Variants in SLC39A11 observed in about 807,000 individuals in gnomAD.
The protein encoded by SLC39A11 is solute carrier family 39 member 11.
A neutral mutation model predicts 36.1 loss-of-function variants in SLC39A11; 33 were observed. The ratio of observed to expected loss-of-function variants is 0.91; its 90% CI spans 0.69 to 1.22. The LOEUF (loss-of-function observed/expected upper bound fraction) is 1.22, where lower values mean the gene tolerates loss of function less well. Among genes scored for constraint, SLC39A11 ranks in the 50% most tolerant of loss-of-function variants. SLC39A11 has a pLI of 0.00. For missense variants in SLC39A11, 432 were observed against 430.3 expected, an observed-to-expected ratio of 1.00 and a Z score of -0.03; for synonymous variants, 166 against 170.3, an observed-to-expected ratio of 0.97 and a Z score of 0.20.
intron 5 of SLC39A11, among the ~76,000 whole-genome samples, chr17:72,889,884 G>C (rs934698572): frequency 2.0e-5 from 3 of 152,272 alleles, no homozygotes; most frequent in South Asian, 2.1e-4. Flanking sequence ...CTTGAGTATC[G>C]TGTAAGGAGC....
intron 5 of SLC39A11, among the ~76,000 whole-genome samples, chr17:72,918,848 AGG>A (rs2083476359): frequency 6.6e-6 from 1 of 152,110 alleles, no homozygotes; most frequent in African/African-American, 2.4e-5. Flanking sequence ...AGATCACTTG[AGG>A]TCAGGAGTTT....
At chr17:73,067,731 T>C in intron 3 of SLC39A11, 1 of 728,808 alleles carries the variant, frequency 1.4e-6, no homozygotes, top group Non-Finnish European at 2.3e-6. Flanking sequence ...GGATGTTTTC[T>C]TATGCATAAA....
intron 5 of SLC39A11, among the ~76,000 whole-genome samples, chr17:72,875,455 AC>A (rs2080852332): frequency 6.6e-6 from 1 of 152,052 alleles, no homozygotes. Context: ...GGATTCTGGA[AC>A]CCCCTGAGGT....
chr17:73,073,684 A>G (rs527330112), intron 3 of SLC39A11: 1 of 152,216 alleles, frequency 6.6e-6, no homozygotes, highest in Non-Finnish European at 1.5e-5. Flanking sequence ...AACTGTCCCA[A>G]AACTTCCAAG....
chr17:72,727,108 A>G (rs929955552), intron 7 of SLC39A11, among the ~76,000 whole-genome samples: 5 of 152,204 alleles, frequency 3.3e-5, no homozygotes, highest in Non-Finnish European at 5.9e-5. Context: ...CAAAGCTTAA[A>G]ACAGGAAGTG....
rs1026070502 is a variant in SLC39A11, at chr17:72,647,184, G to T, written c.*400C>A. ...GGATGAGAGGTGTGCTGGCCACTCT[G>T]CCCTGAGTCACTAGGCCACCAAAAT... is the stretch of plus-strand genomic sequence containing the variant. On this transcript the variant is annotated 3_prime_UTR_variant, in exon 10 of 10. Transcript: ENST00000255559. 2 of 166,348 alleles carry T rather than the reference G, an allele frequency of 1.2e-5. No individual in the cohort carries two copies. The highest frequency in any genetic ancestry group is 2.4e-5 in the African/African-American group (1 of 41,562). 10.3% of individuals were successfully genotyped at this position (166,348 alleles called of 1,614,324 possible). A position where few individuals can be genotyped will look rare whatever the true frequency, so the allele number is the denominator to read the frequency against.
chr17:73,047,009 TC>T (rs2059316110), intron 3 of SLC39A11, among the ~76,000 whole-genome samples: 1 of 148,628 alleles, frequency 6.7e-6, no homozygotes. Flanking sequence ...ACCACCTTCT[TC>T]TTTTTTTATT....
At chr17:72,896,037 T>A (rs376987934) in intron 5 of SLC39A11, among the ~76,000 whole-genome samples, 10 of 152,128 alleles carry the variant, frequency 6.6e-5, no homozygotes, top group African/African-American at 4.8e-5. Flanking sequence ...AACTCAATAG[T>A]CTTCAGGGAA....
chr17:72,815,291 T>C (rs759307792), intron 6 of SLC39A11, among the ~76,000 whole-genome samples: 2 of 152,210 alleles, frequency 1.3e-5, no homozygotes, highest in Non-Finnish European at 2.9e-5. Flanking sequence ...CAAGCTGTTA[T>C]GATTTCACCC....
chr17:72,870,749 G>A (rs1257112485), intron 5 of SLC39A11, among the ~76,000 whole-genome samples: 2 of 152,198 alleles, frequency 1.3e-5, no homozygotes, highest in African/African-American at 4.8e-5. Context: ...CTTTTAACTG[G>A]AAAAGGTTTG....
intron 7 of SLC39A11, among the ~76,000 whole-genome samples, chr17:72,701,084 T>C (rs1053077947): frequency 6.6e-6 from 1 of 152,238 alleles, no homozygotes; most frequent in Non-Finnish European, 1.5e-5. Flanking sequence ...GGGGGCCACA[T>C]TCACCTTCCA....
chr17:72,922,468 G>A (rs12051792), intron 5 of SLC39A11, among the ~76,000 whole-genome samples: 5,610 of 152,330 alleles, frequency 0.037, 352 homozygotes, highest in East Asian at 0.27. Context: ...AGCAGGTCCT[G>A]GAAGGTTGGG....
chr17:72,691,042 C>A (rs1445053446), intron 7 of SLC39A11, among the ~76,000 whole-genome samples: 1 of 152,170 alleles, frequency 6.6e-6, no homozygotes, highest in Non-Finnish European at 1.5e-5. Context: ...GGAGGACTCT[C>A]AAAGGCTTAG....
At chr17:72,850,133 G>A (rs1264660311) in intron 5 of SLC39A11, among the ~76,000 whole-genome samples, 2 of 152,062 alleles carry the variant, frequency 1.3e-5, no homozygotes, top group East Asian at 3.9e-4. Context: ...ATTCACTCAG[G>A]CATCCATTCA....
intron 7 of SLC39A11, among the ~76,000 whole-genome samples, chr17:72,675,374 G>A (rs898136972): frequency 3.3e-5 from 5 of 152,132 alleles, no homozygotes; most frequent in African/African-American, 9.7e-5. Flanking sequence ...GAATCTGCTG[G>A]GACCTTGTTC....
intron 4 of SLC39A11, among the ~76,000 whole-genome samples, chr17:72,977,168 T>C (rs918136969): frequency 4.6e-5 from 7 of 152,192 alleles, no homozygotes; most frequent in African/African-American, 1.4e-4. Flanking sequence ...AGAAAGTGCC[T>C]GAGCCATGAC....
chr17:72,977,782 G>C (rs1025512948), intron 4 of SLC39A11, among the ~76,000 whole-genome samples: 2 of 152,198 alleles, frequency 1.3e-5, no homozygotes, highest in Non-Finnish European at 2.9e-5. Context: ...TATCCAAAGG[G>C]TAACGGCTCC....
chr17:72,674,422 A>T (rs2071162900), intron 7 of SLC39A11, among the ~76,000 whole-genome samples: 1 of 152,176 alleles, frequency 6.6e-6, no homozygotes, highest in Non-Finnish European at 1.5e-5. Context: ...TGGCTACACT[A>T]TAGCTTACTC....
chr17:72,933,772 A>C (rs1278117363), intron 5 of SLC39A11, among the ~76,000 whole-genome samples: 7 of 152,186 alleles, frequency 4.6e-5, no homozygotes. Context: ...CACCCGACTC[A>C]GCCTCCCAAA....
Sources: gnomAD v4.1 joint callset for allele counts (sites outside exome capture counted in the v4.1 genomes callset) on GRCh38, gnomAD v4.1.1 for gene constraint, MANE v1.5 for transcripts, NCBI Gene and HGNC (gene_info 2026-07-23, HGNC 2026-07-21) for gene names.